Variants in KLF13 observed in about 807,000 individuals in gnomAD.
KLF13 encodes the protein KLF transcription factor 13, also known as Krueppel-like factor 13.
Under a neutral mutation model 16.7 loss-of-function variants are expected in KLF13, and 8 were observed. The ratio of observed to expected loss-of-function variants is 0.48; its 90% CI spans 0.28 to 0.87. The LOEUF is 0.87. KLF13 is among the 40% of genes least tolerant of loss of function. The pLI is 0.10. For synonymous variants in KLF13, 245 were observed against 208.4 expected, an observed-to-expected ratio of 1.18 and a Z score of -1.51; for missense variants, 447 against 452.2, an observed-to-expected ratio of 0.99 and a Z score of 0.10.
At chr15:31,346,939 G>C (rs757314975) in intron 1 of KLF13, among the ~76,000 whole-genome samples, 2 of 152,186 alleles carry the variant, frequency 1.3e-5, no homozygotes, top group African/African-American at 4.8e-5. Context: ...GAGGGGCAGC[G>C]TAGGGTCCTG....
intron 1 of KLF13, among the ~76,000 whole-genome samples, chr15:31,386,285 G>T (rs146430187): frequency 1.2e-3 from 176 of 152,330 alleles, no homozygotes; most frequent in Middle Eastern, 0.01. Flanking sequence ...ATCACCTGAG[G>T]TCAGGAGTTT....
chr15:31,328,534 G>T (rs866151970), intron 1 of KLF13, among the ~76,000 whole-genome samples: 1 of 151,838 alleles, frequency 6.6e-6, no homozygotes, highest in African/African-American at 2.4e-5. Context: ...GGAAAGGAAT[G>T]CCCTGGCCGC....
At chr15:31,389,702 A>G (rs530115061), upstream of KLF13, among the ~76,000 whole-genome samples, 122 of 152,106 alleles carry the variant, frequency 8.0e-4, no homozygotes, top group African/African-American at 2.9e-3. Flanking sequence ...CTCAGCCTTT[A>G]CTTTTGCAGC....
intron 1 of KLF13, among the ~76,000 whole-genome samples, chr15:31,371,430 CT>C (rs954047421): frequency 2.6e-5 from 4 of 152,252 alleles, no homozygotes; most frequent in African/African-American, 9.6e-5. Context: ...CACTTTGGGA[CT>C]TTTGTGAGAG....
intron 1 of KLF13, among the ~76,000 whole-genome samples, chr15:31,346,021 G>T (rs1174784584): frequency 6.6e-6 from 1 of 151,922 alleles, no homozygotes. Flanking sequence ...CCTCTGTGCC[G>T]GCATCTGGCT....
chr15:31,328,644 C>G (rs1030712181), intron 1 of KLF13, among the ~76,000 whole-genome samples: 4 of 151,998 alleles, frequency 2.6e-5, no homozygotes, highest in African/African-American at 9.6e-5. Flanking sequence ...GCTGAGCCTC[C>G]AGCCTGGGGA....
At chr15:31,414,045 A>G (rs1320761672) in intron 1 of KLF13, among the ~76,000 whole-genome samples, 1 of 152,210 alleles carries the variant, frequency 6.6e-6, no homozygotes, top group African/African-American at 2.4e-5. Context: ...TGTAAAATTA[A>G]TAGATGTAAT....
At chr15:31,336,785 A>C (rs1324217496) in intron 1 of KLF13, among the ~76,000 whole-genome samples, 3 of 152,104 alleles carry the variant, frequency 2.0e-5, no homozygotes, top group African/African-American at 7.2e-5. Flanking sequence ...GTCTCGGGTT[A>C]CCAAAAAGGT....
At chr15:31,432,195 G>A (rs556413229) in intron 1 of KLF13, among the ~76,000 whole-genome samples, 40 of 152,266 alleles carry the variant, frequency 2.6e-4, no homozygotes, top group African/African-American at 9.2e-4. Context: ...GCTGGAAGGG[G>A]AAGTGAAGTT....
At chr15:31,420,576 T>A (rs1427833224) in intron 1 of KLF13, 3 of 466,922 alleles carry the variant, frequency 6.4e-6, no homozygotes, top group Non-Finnish European at 1.2e-5. Flanking sequence ...CCTTTGAACA[T>A]GCATGCTGTT....
upstream of KLF13, among the ~76,000 whole-genome samples, chr15:31,389,181 G>A (rs931069651): frequency 6.6e-6 from 1 of 151,974 alleles, no homozygotes; most frequent in Non-Finnish European, 1.5e-5. Flanking sequence ...CCTTTATAAT[G>A]ATCCACTTCT....
chr15:31,366,439 T>C (rs1011868356), intron 1 of KLF13: 2 of 152,260 alleles, frequency 1.3e-5, no homozygotes, highest in African/African-American at 4.8e-5. Context: ...CCCTCCCACC[T>C]GGGGAGCTGG....
intron 1 of KLF13, among the ~76,000 whole-genome samples, chr15:31,365,200 A>G (rs1221790290): frequency 2.0e-5 from 3 of 152,166 alleles, no homozygotes; most frequent in South Asian, 4.1e-4. Flanking sequence ...CCTGAGGGCA[A>G]GCAATTTCTC....
intron 1 of KLF13, among the ~76,000 whole-genome samples, chr15:31,362,503 A>G (rs1223722106): frequency 2.0e-5 from 3 of 152,250 alleles, no homozygotes; most frequent in Non-Finnish European, 2.9e-5. Flanking sequence ...GTGCTTTGAA[A>G]TAGGGAATAC....
At chr15:31,355,853 A>C in intron 1 of KLF13, among the ~76,000 whole-genome samples, 1 of 150,824 alleles carries the variant, frequency 6.6e-6, no homozygotes, top group Non-Finnish European at 1.5e-5. Flanking sequence ...GTCCCCACAC[A>C]CCCAGTGTGG....
chr15:31,407,141 C>A (rs1482650699), downstream of KLF13, among the ~76,000 whole-genome samples: 1 of 152,120 alleles, frequency 6.6e-6, no homozygotes, highest in Non-Finnish European at 1.5e-5. Flanking sequence ...CAAGGAGGAA[C>A]AGTTTTTAAA....
At chr15:31,371,165 C>G (rs8027784) in intron 1 of KLF13, among the ~76,000 whole-genome samples, 81,488 of 151,960 alleles carry the variant, frequency 0.54, 22,040 homozygotes, top group African/African-American at 0.62. Flanking sequence ...TTTTGTGATT[C>G]AGAGTTTTGT....
At chr15:31,380,883 C>T (rs929399649), downstream of KLF13, among the ~76,000 whole-genome samples, 1 of 152,188 alleles carries the variant, frequency 6.6e-6, no homozygotes, top group Non-Finnish European at 1.5e-5. Context: ...GTATTAATTG[C>T]CAGTTGCTGG....
Position 31,331,863 on chromosome 15 carries a change from T to G in KLF13, c.577+4074T>G, listed in dbSNP as rs150721594. On this transcript the variant is annotated intron_variant, in intron 1 of 1. Transcript: ENST00000307145. ...ACATATGCATATGTGTGTGTCCACG[T>G]AGACATTTTGAAACATACTTAAATA... Among the ~76,000 whole-genome samples the G allele has an allele frequency of 1.7e-4, 26 of 152,380 alleles. No individual in the cohort carries two copies. The East Asian group carries it at 4.4e-3, about 26-fold the overall frequency.
Sources: gnomAD v4.1 joint callset for allele counts (sites outside exome capture counted in the v4.1 genomes callset) on GRCh38, gnomAD v4.1.1 for gene constraint, MANE v1.5 for transcripts, NCBI Gene and HGNC (gene_info 2026-07-23, HGNC 2026-07-21) for gene names.